Variants in TLN2 observed in about 807,000 individuals in gnomAD.
The protein encoded by TLN2 is talin 2.
A neutral mutation model predicts 294.7 loss-of-function variants in TLN2; 118 were observed. The observed-to-expected ratio is 0.40, with a 90% CI of 0.34 to 0.47. The LOEUF (loss-of-function observed/expected upper bound fraction) is 0.47, where lower values mean the gene tolerates loss of function less well. Ranked by LOEUF, TLN2 falls within the 20% of genes least tolerant of loss-of-function variation. TLN2 has a pLI of 0.84. For synonymous variants in TLN2, 1,431 were observed against 1,304.5 expected (o/e 1.10, Z -2.09); for missense variants, 3,083 against 3,282.2 (o/e 0.94, Z 1.48).
chr15:62,520,537 A>G (rs945666257), intron 1 of TLN2, among the ~76,000 whole-genome samples: 15 of 152,228 alleles, frequency 9.9e-5, no homozygotes, highest in African/African-American at 3.6e-4. Flanking sequence ...TGAGGAATAC[A>G]GAATTGTGAA....
chr15:62,814,273 A>C (rs1281573349), intron 52 of TLN2, among the ~76,000 whole-genome samples: 1 of 152,242 alleles, frequency 6.6e-6, no homozygotes, highest in Non-Finnish European at 1.5e-5. Context: ...TACAAGAAAA[A>C]GACTTATCAT....
intron 42 of TLN2, among the ~76,000 whole-genome samples, chr15:62,771,625 A>G (rs1163761668): frequency 6.6e-6 from 1 of 152,278 alleles, no homozygotes; most frequent in East Asian, 1.9e-4. Flanking sequence ...ACAGCCTGTC[A>G]TAGGTGACTT....
chr15:62,423,159 C>T (rs1023991082), intron 1 of TLN2, among the ~76,000 whole-genome samples: 6 of 152,138 alleles, frequency 3.9e-5, no homozygotes, highest in Non-Finnish European at 8.8e-5. Flanking sequence ...TTTGGGAGGC[C>T]AAGGCAGGTG....
At chr15:62,811,768 T>G (rs2066699439) in intron 52 of TLN2, among the ~76,000 whole-genome samples, 1 of 152,016 alleles carries the variant, frequency 6.6e-6, no homozygotes, top group African/African-American at 2.4e-5. Flanking sequence ...TCCCAGCACT[T>G]TGGGAGGCTG....
At chr15:62,428,490 C>A (rs932988850) in intron 1 of TLN2, among the ~76,000 whole-genome samples, 1 of 152,168 alleles carries the variant, frequency 6.6e-6, no homozygotes, top group African/African-American at 2.4e-5. Flanking sequence ...AAACTTGGTT[C>A]AAGGAAGAAA....
chr15:62,692,911 T>G lies in TLN2; in HGVS notation c.1185T>G (p.Ile395Met). 1 of 1,612,912 alleles carries G rather than the reference T, an allele frequency of 6.2e-7. No homozygotes were observed. The highest frequency in any genetic ancestry group is 1.7e-4 in the Middle Eastern group (1 of 6,060). Residue 395 changes from isoleucine to methionine, a missense_variant, in exon 13 of 59, where the codon ATT (isoleucine) becomes ATG (methionine). Transcript: ENST00000636159. ...AGGGAGAGCAGATATCCCAGCTGAT[T>G]GCAGGCTACATTGACATCATCCTGA... ...TTEGEQISQLIAGYIDIILKK... is the reference protein window; with the variant it reads ...TTEGEQISQLMAGYIDIILKK...
chr15:62,771,201 T>C (rs1336605545), intron 42 of TLN2, 67 bp downstream of exon 42: 1 of 1,464,880 alleles, frequency 6.8e-7, no homozygotes, highest in East Asian at 2.4e-5. Flanking sequence ...CCTGCTGTAA[T>C]GTGTCCTTCC....
At chr15:62,540,356 CTT>C (rs11071674) in intron 1 of TLN2, among the ~76,000 whole-genome samples, 26 of 138,220 alleles carry the variant, frequency 1.9e-4, no homozygotes, top group Admixed American at 2.2e-4. Context: ...AATAAATAAA[CTT>C]TTTTTTTTTT....
intron 2 of TLN2, among the ~76,000 whole-genome samples, chr15:62,596,102 A>G (rs1239144640): frequency 6.6e-6 from 1 of 151,840 alleles, no homozygotes; most frequent in East Asian, 2.0e-4. Flanking sequence ...TCTCTGCTAA[A>G]AAAATACAAA....
intron 1 of TLN2, among the ~76,000 whole-genome samples, chr15:62,417,663 T>C (rs1347732808): frequency 6.6e-6 from 1 of 152,222 alleles, no homozygotes; most frequent in Non-Finnish European, 1.5e-5. Context: ...AGGAGGTTTG[T>C]GAATTTAGAG....
intron 1 of TLN2, among the ~76,000 whole-genome samples, chr15:62,546,155 G>A (rs1299968888): frequency 1.3e-5 from 2 of 152,130 alleles, no homozygotes; most frequent in African/African-American, 2.4e-5. Context: ...GAGGGAGGTC[G>A]GCACTGATTT....
rs200609545 is a variant in TLN2, at chr15:62,651,358, G to GA, written c.235-641dup. 7.9e-3 allele frequency among the ~76,000 whole-genome samples: 1,205 copies of GA among 152,232 alleles called. 9 individuals carry two copies. The highest frequency in any genetic ancestry group is 0.013 in the Non-Finnish European group (856 of 68,018). ...ATGAAAGCAGTTATTTAGCACTGGA[G>GA]AAAAAATTGAAGGTGACTCTAGGTG... On this transcript the variant is annotated intron_variant, in intron 5 of 58. Transcript: ENST00000636159.
intron 19 of TLN2, among the ~76,000 whole-genome samples, chr15:62,703,462 A>G (rs1285863756): frequency 6.6e-6 from 1 of 152,046 alleles, no homozygotes; most frequent in Non-Finnish European, 1.5e-5. Context: ...GGAAATATTA[A>G]TAGTGTCATG....
intron 1 of TLN2, among the ~76,000 whole-genome samples, chr15:62,574,241 A>G (rs1363786329): frequency 6.6e-6 from 1 of 151,656 alleles, no homozygotes; most frequent in Non-Finnish European, 1.5e-5. Context: ...TTATTCATCT[A>G]GAAATTTTTT....
At chr15:62,528,985 T>G (rs765961533) in intron 1 of TLN2, among the ~76,000 whole-genome samples, 1 of 152,218 alleles carries the variant, frequency 6.6e-6, no homozygotes, top group Non-Finnish European at 1.5e-5. Flanking sequence ...TTTCAACTTT[T>G]TACTCATAAG....
At position 62,725,030 on chromosome 15, in the gene TLN2, A is replaced by G. The variant is rs765715536; in HGVS notation, c.3181A>G (p.Thr1061Ala). 1 of 1,613,702 alleles carries G rather than the reference A, an allele frequency of 6.2e-7. No homozygotes were observed. Among genetic ancestry groups the G allele is most frequent in the African/African-American group, 1.3e-5 (1 of 75,032 alleles). ...EIDSALNTVQ[T>A]LKNELQDAKM... The stretch of plus-strand genomic sequence containing the variant: ...CGATTCAGCTCTGAATACGGTGCAG[A>G]CGCTTAAGAATGAACTGCAGGATGC... Residue 1061 changes from threonine to alanine, a missense_variant, in exon 27 of 59, where the codon ACG (threonine) becomes GCG (alanine). Transcript: ENST00000636159.
intron 52 of TLN2, among the ~76,000 whole-genome samples, chr15:62,811,451 G>A (rs1468929428): frequency 6.6e-6 from 1 of 152,162 alleles, no homozygotes; most frequent in Non-Finnish European, 1.5e-5. Flanking sequence ...CACCAGCAAG[G>A]CTTTCCAAAG....
chr15:62,739,279 A>C (rs1427174680), intron 30 of TLN2, 69 bp from the exon 31 acceptor site: 9 of 1,523,132 alleles, frequency 5.9e-6, no homozygotes, highest in Non-Finnish European at 7.1e-6. Flanking sequence ...TCCCTTCCAC[A>C]ATACCTTCCT....
Position 62,727,080 on chromosome 15 carries a change from C to A in TLN2, c.3256-7C>A. ...TACGTTCTTTCCCTCCTTGAATATT[C>A]TTGTAGCTGGAAAAATGTGCTCAGG... On this transcript the variant is annotated splice_polypyrimidine_tract_variant and splice_region_variant and intron_variant, in intron 27 of 58. Transcript: ENST00000636159. 2 of 1,613,716 alleles carry A rather than the reference C, an allele frequency of 1.2e-6. No homozygotes were observed. Among genetic ancestry groups the A allele is most frequent in the Non-Finnish European group, 1.7e-6 (2 of 1,179,804 alleles).
Sources: allele counts gnomAD v4.1 joint callset (sites outside exome capture counted in the v4.1 genomes callset), GRCh38; gene constraint gnomAD v4.1.1; transcripts MANE v1.5; gene names NCBI Gene and HGNC (gene_info 2026-07-23, HGNC 2026-07-21).